Variants in OVOL2 observed in about 807,000 individuals in gnomAD.
The protein encoded by OVOL2 is transcription factor Ovo-like 2.
Under a neutral mutation model 18.1 loss-of-function variants are expected in OVOL2, and 13 were observed. The observed-to-expected ratio is 0.72, with a 90% CI of 0.47 to 1.14. The LOEUF (loss-of-function observed/expected upper bound fraction) is 1.14, where lower values mean the gene tolerates loss of function less well. Ranked by LOEUF, OVOL2 falls within the 50% of genes most tolerant of loss-of-function variation. The pLI is 0.00. For synonymous variants in OVOL2, 166 were observed against 162.7 expected, an observed-to-expected ratio of 1.02 and a Z score of -0.16; for missense variants, 335 against 383.0, an observed-to-expected ratio of 0.87 and a Z score of 1.05.
rs1322051749 is a variant in OVOL2, at chr20:18,057,684, G to T, written c.-50C>A. 3.3e-6 allele frequency: 5 copies of T among 1,514,720 alleles called. No individual in the cohort carries two copies. Among genetic ancestry groups the T allele is most frequent in the South Asian group, 1.2e-5 (1 of 80,682 alleles). 93.8% of individuals were successfully genotyped at this position (1,514,720 alleles called of 1,614,324 possible). A position where few individuals can be genotyped will look rare whatever the true frequency, so the allele number is the denominator to read the frequency against. On this transcript the variant is annotated 5_prime_UTR_variant, in exon 1 of 4. Transcript: ENST00000278780. The surrounding 1 kb of genome is among the most constrained non-coding windows in gnomAD (Gnocchi z 6.3). ...GGCCCCCTCCTCCCGGCTGCTCCCC[G>T]CTAGGGGCAACGGCGGCGGCTCCGT...
At chr20:18,058,702 C>T (rs544500790), upstream of OVOL2, among the ~76,000 whole-genome samples, 1 of 152,330 alleles carries the variant, frequency 6.6e-6, no homozygotes, top group Admixed American at 6.5e-5. Flanking sequence ...CTGGGAAATA[C>T]CTTTCCAGGA....
chr20:18,039,624 A>AAAAAAAAC (rs1403124179), intron 3 of OVOL2, among the ~76,000 whole-genome samples: 3 of 106,356 alleles, frequency 2.8e-5, no homozygotes, highest in African/African-American at 1.2e-4. Flanking sequence ...AAAAAAAAAG[A>AAAAAAAAC]AAGAAAGAAA....
At chr20:18,026,732 C>T (rs2036522600) in intron 3 of OVOL2, among the ~76,000 whole-genome samples, 2 of 152,102 alleles carry the variant, frequency 1.3e-5, no homozygotes, top group Admixed American at 6.6e-5. Flanking sequence ...TTCAACTTGG[C>T]TTTCAAGAGC....
upstream of OVOL2, chr20:18,057,932 C>T: frequency 1.6e-6 from 2 of 1,227,478 alleles, no homozygotes; most frequent in East Asian, 3.8e-5. The surrounding 1 kb of genome is among the most constrained non-coding windows in gnomAD (Gnocchi z 6.3). Context: ...TGAGCATGCG[C>T]CCTGCAACAT....
chr20:18,046,858 C>A (rs2036727657), intron 2 of OVOL2, among the ~76,000 whole-genome samples: 1 of 151,470 alleles, frequency 6.6e-6, no homozygotes, highest in Non-Finnish European at 1.5e-5. Flanking sequence ...TGTTCCTCTA[C>A]AAGTACTAGA....
chr20:18,053,056 T>A (rs2036783833), intron 2 of OVOL2, among the ~76,000 whole-genome samples: 1 of 152,196 alleles, frequency 6.6e-6, no homozygotes, highest in Admixed American at 6.5e-5. Context: ...AATTTCACAA[T>A]CTGCCCTGAG....
intron 3 of OVOL2, among the ~76,000 whole-genome samples, chr20:18,036,099 G>A (rs1053510018): frequency 1.3e-5 from 2 of 151,924 alleles, no homozygotes; most frequent in African/African-American, 4.8e-5. Flanking sequence ...TTCGAAACCA[G>A]CCTGACCAAC....
intron 3 of OVOL2, among the ~76,000 whole-genome samples, chr20:18,032,535 C>G (rs1458144399): frequency 1.3e-5 from 2 of 152,042 alleles, no homozygotes; most frequent in Non-Finnish European, 2.9e-5. Context: ...GAGATGGAGT[C>G]TCACTCTGTT....
At position 18,024,867 on chromosome 20, in the gene OVOL2, C is replaced by A. The variant is rs559555073; in HGVS notation, c.597G>T (p.Gly199=). ...GCTTATAGGCATACTGCTGCTGCAC[C>A]CCATGGATTTTCTTCAGGTGGGACT... ...SLESHLKKIH[G]VQQQYAYKQR... is the part of the protein sequence containing the mutation. Residue 199 remains glycine, a synonymous_variant, in exon 4 of 4, where the codon GGG becomes GGT. Coordinates refer to ENST00000278780, the MANE Select transcript of OVOL2 (RefSeq NM_021220.4). 6.2e-5 allele frequency: 100 copies of A among 1,614,148 alleles called. No individual in the cohort carries two copies. Among genetic ancestry groups the A allele is most frequent in the Admixed American group, 1.2e-4 (7 of 60,014 alleles).
chr20:18,050,400 G>A (rs1183065384), intron 2 of OVOL2, among the ~76,000 whole-genome samples: 1 of 152,214 alleles, frequency 6.6e-6, no homozygotes, highest in African/African-American at 2.4e-5. Context: ...CAGCTCCTAG[G>A]TGGCCCAGTT....
intron 2 of OVOL2, among the ~76,000 whole-genome samples, chr20:18,050,080 C>T (rs544567124): frequency 2.2e-4 from 34 of 152,224 alleles, no homozygotes; most frequent in Non-Finnish European, 4.0e-4. Context: ...GATTTGGGGC[C>T]ATACATGCTT....
chr20:18,039,911 C>T (rs890134904), intron 3 of OVOL2, among the ~76,000 whole-genome samples: 1 of 152,058 alleles, frequency 6.6e-6, no homozygotes. Flanking sequence ...GGCTCGGGGA[C>T]TATAGATAGC....
At chr20:18,058,412 C>G (rs955125357), upstream of OVOL2, among the ~76,000 whole-genome samples, 1 of 142,212 alleles carries the variant, frequency 7.0e-6, no homozygotes, top group South Asian at 2.1e-4. Flanking sequence ...ACACCCCCCC[C>G]CCATAAGCAG....
chr20:18,027,744 C>T (rs960017699), intron 3 of OVOL2, among the ~76,000 whole-genome samples: 2 of 151,472 alleles, frequency 1.3e-5, no homozygotes, highest in African/African-American at 4.8e-5. Flanking sequence ...TACAGGCGCT[C>T]ACCACCACGC....
intron 3 of OVOL2, among the ~76,000 whole-genome samples, chr20:18,033,647 T>A (rs1279318516): frequency 6.6e-6 from 1 of 152,236 alleles, no homozygotes; most frequent in Non-Finnish European, 1.5e-5. Context: ...ATCGGGCACT[T>A]CCGAAGCAAT....
chr20:18,053,742 C>T (rs191158350), intron 2 of OVOL2, among the ~76,000 whole-genome samples: 80 of 151,382 alleles, frequency 5.3e-4, no homozygotes, highest in African/African-American at 1.8e-3. Context: ...TGAGGTTTTC[C>T]TTCTTACATC....
intron 3 of OVOL2, among the ~76,000 whole-genome samples, chr20:18,038,883 C>T (rs1251531984): frequency 6.6e-6 from 1 of 152,122 alleles, no homozygotes; most frequent in Non-Finnish European, 1.5e-5. Context: ...CCCTTGACAA[C>T]CTCGAGACCT....
intron 3 of OVOL2, among the ~76,000 whole-genome samples, chr20:18,035,254 C>T (rs1442730986): frequency 6.6e-6 from 1 of 152,198 alleles, no homozygotes; most frequent in Non-Finnish European, 1.5e-5. Flanking sequence ...AAGTCGAGAC[C>T]AGTCTGGCCA....
intron 2 of OVOL2, among the ~76,000 whole-genome samples, chr20:18,050,436 T>C (rs2036762223): frequency 6.6e-6 from 1 of 152,226 alleles, no homozygotes; most frequent in Admixed American, 6.5e-5. Flanking sequence ...GAGTCATTCC[T>C]GGGAGCTCAG....
Sources: allele counts gnomAD v4.1 joint callset (sites outside exome capture counted in the v4.1 genomes callset), GRCh38; gene constraint gnomAD v4.1.1; non-coding constraint Gnocchi (gnomAD v3.1); transcripts MANE v1.5; gene names NCBI Gene and HGNC (gene_info 2026-07-23, HGNC 2026-07-21).